Variants in RNF144B observed in about 807,000 individuals in gnomAD.
RNF144B encodes ring finger protein 144B.
A neutral mutation model predicts 40.2 loss-of-function variants in RNF144B; 25 were observed. The observed-to-expected ratio is 0.62, with a 90% CI of 0.45 to 0.87. RNF144B has a LOEUF of 0.87. Ranked by LOEUF, RNF144B falls within the 40% of genes least tolerant of loss-of-function variation. RNF144B has a pLI of 0.00. For missense variants in RNF144B, 365 were observed against 373.7 expected (o/e 0.98, Z 0.19); for synonymous variants, 145 against 136.3 (o/e 1.06, Z -0.44).
chr6:18,413,392 A>C (rs573345524), intron 2 of RNF144B, among the ~76,000 whole-genome samples: 289 of 152,374 alleles, frequency 1.9e-3, no homozygotes, highest in Non-Finnish European at 3.3e-3. Context: ...AAAAAATCCA[A>C]GGAGTTTTTC....
chr6:18,466,274 G>A lies in RNF144B; in HGVS notation c.*1207G>A, dbSNP rs1295588621. 1.3e-5 allele frequency: 2 copies of A among 151,800 alleles called. No homozygotes were observed. The highest frequency in any genetic ancestry group is 4.9e-5 in the African/African-American group (2 of 41,132). 9.4% of individuals were successfully genotyped at this position (151,800 alleles called of 1,614,324 possible). On this transcript the variant is annotated 3_prime_UTR_variant, in exon 8 of 8. Coordinates refer to ENST00000259939, the MANE Select transcript of RNF144B (RefSeq NM_182757.4). ...AATATCCTGCCATCTCTGTAAAAAC[G>A]CTAATTGATAACCGAGTCATTTACA...
At chr6:18,440,237 T>C (rs1450348962) in intron 4 of RNF144B, among the ~76,000 whole-genome samples, 1 of 152,024 alleles carries the variant, frequency 6.6e-6, no homozygotes, top group Non-Finnish European at 1.5e-5. Context: ...TGTATTGGAC[T>C]GATTTTCTTT....
In RNF144B at chr6:18,406,226, GA is replaced by G. The variant is rs201217353; in HGVS notation, c.165+6528del. 7.0e-3 allele frequency: 3,556 copies of G among 509,178 alleles called. 26 individuals are homozygous for G. The highest frequency in any genetic ancestry group is 0.02 in the Middle Eastern group (48 of 2,342). The allele number at this position is 509,178 out of a possible 1,614,324, so 31.5% of individuals were successfully genotyped here. A position where few individuals can be genotyped will look rare whatever the true frequency, so the allele number is the denominator to read the frequency against. ...GGTTTGTGCTATGGAAAAATAGGGT[GA>G]GGGGGGTCAGGAGTGCTGTGGGGAA... On this transcript the variant is annotated intron_variant, in intron 2 of 7. Coordinates refer to ENST00000259939, the MANE Select transcript of RNF144B (RefSeq NM_182757.4). The surrounding 1 kb of genome is among the most constrained non-coding windows in gnomAD (Gnocchi z 4.2).
intron 2 of RNF144B, among the ~76,000 whole-genome samples, chr6:18,402,487 C>G (rs887917462): frequency 2.3e-5 from 2 of 88,292 alleles, no homozygotes; most frequent in African/African-American, 6.7e-5. Context: ...ATGAAATGTT[C>G]CATGGTCAAA....
intron 2 of RNF144B, among the ~76,000 whole-genome samples, chr6:18,401,414 G>A (rs1794799412): frequency 6.6e-6 from 1 of 152,336 alleles, no homozygotes; most frequent in Middle Eastern, 3.4e-3. Context: ...CTCAAAAGCA[G>A]AGAGTCAAAT....
chr6:18,400,067 C>T lies in RNF144B; in HGVS notation c.165+368C>T, dbSNP rs944734127. Reference sequence around the variant, plus strand: ...CGGGCGGATCACAAGGTCAGAAGATCGAGACCATCCTAGCTAACATGGTAA... The same window carrying T: ...CGGGCGGATCACAAGGTCAGAAGATTGAGACCATCCTAGCTAACATGGTAA... On this transcript the variant is annotated intron_variant, in intron 2 of 7. Transcript: ENST00000259939. This position sits in a 1 kb window ranked among gnomAD's most constrained non-coding sequence, Gnocchi z 5.6. 1.3e-4 allele frequency among the ~76,000 whole-genome samples: 20 copies of T among 151,992 alleles called. No individual in the cohort carries two copies. Among genetic ancestry groups the T allele is most frequent in the Non-Finnish European group, 2.2e-4 (15 of 68,000 alleles).
intron 2 of RNF144B, among the ~76,000 whole-genome samples, chr6:18,401,198 A>G (rs1000867937): frequency 6.6e-6 from 1 of 152,226 alleles, no homozygotes. Flanking sequence ...GTGTGCGTCA[A>G]CATTGGGGAA....
chr6:18,430,608 CA>C (rs568122993), intron 3 of RNF144B, among the ~76,000 whole-genome samples: 124 of 152,106 alleles, frequency 8.2e-4, no homozygotes, highest in African/African-American at 2.9e-3. Flanking sequence ...CTCAGCCTCC[CA>C]AGTAGCTGGG....
rs1041273065 is a variant in RNF144B at position 18,442,564 on chromosome 6, T to C, written c.331+2820T>C. Among the ~76,000 whole-genome samples, 1 of 152,212 alleles carries C rather than the reference T, an allele frequency of 6.6e-6. No homozygotes were observed. The highest frequency in any genetic ancestry group is 2.4e-5 in the African/African-American group (1 of 41,456). On this transcript the variant is annotated intron_variant, in intron 4 of 7. Transcript: ENST00000259939. The surrounding 1 kb of genome is among the most constrained non-coding windows in gnomAD (Gnocchi z 4.3). ...TTTGTTATTAAACATATACCTAACA[T>C]AAAAGTTGCCATTTAAACCATTTTT...
At chr6:18,426,268 G>A (rs748485038) in intron 2 of RNF144B, among the ~76,000 whole-genome samples, 11 of 152,130 alleles carry the variant, frequency 7.2e-5, no homozygotes, top group Non-Finnish European at 1.2e-4. Context: ...TGTAAGAGTC[G>A]TTGCTTCAGT....
At chr6:18,391,253 C>T (rs1219625315) in intron 1 of RNF144B, among the ~76,000 whole-genome samples, 4 of 152,092 alleles carry the variant, frequency 2.6e-5, no homozygotes, top group Non-Finnish European at 2.9e-5. Flanking sequence ...AAGTGGCGTT[C>T]CTTCCTGCTT....
intron 3 of RNF144B, among the ~76,000 whole-genome samples, chr6:18,433,047 G>A (rs1411304511): frequency 6.6e-6 from 1 of 152,182 alleles, no homozygotes; most frequent in Non-Finnish European, 1.5e-5. Flanking sequence ...TACTCAGATT[G>A]CATATTTAGT....
At chr6:18,454,126 A>G (rs959903099) in intron 4 of RNF144B, among the ~76,000 whole-genome samples, 1 of 152,224 alleles carries the variant, frequency 6.6e-6, no homozygotes, top group Non-Finnish European at 1.5e-5. Flanking sequence ...TGATCCAAGC[A>G]TCATAACCTC....
chr6:18,444,703 CT>C lies in RNF144B; in HGVS notation c.331+4963del, dbSNP rs11337846. ...AAAAGTGAAATAGGAAGTTGTCTTT[CT>C]TTTGCTGTCTGTTAATATTACTGAC... On this transcript the variant is annotated intron_variant, in intron 4 of 7. Transcript: ENST00000259939. This position sits in a 1 kb window ranked among gnomAD's most constrained non-coding sequence, Gnocchi z 4.3. Among the ~76,000 whole-genome samples the C allele has an allele frequency of 0.12, 19,004 of 152,098 alleles. 1,368 individuals are homozygous for C. The highest frequency in any genetic ancestry group is 0.19 in the Admixed American group (2,952 of 15,274).
At chr6:18,399,823 C>T in intron 2 of RNF144B, 124 bp downstream of exon 2, 1 of 741,178 alleles carries the variant, frequency 1.3e-6, no homozygotes, top group Admixed American at 2.9e-5. Flanking sequence ...CTTTGGAAAG[C>T]ATTTCATATT....
chr6:18,409,165 G>A (rs1331626379), intron 2 of RNF144B, among the ~76,000 whole-genome samples: 1 of 151,756 alleles, frequency 6.6e-6, no homozygotes, highest in Non-Finnish European at 1.5e-5. Context: ...ATCACTTGGG[G>A]CCAGGAATTT....
At chr6:18,451,544 A>G (rs1759210542) in intron 4 of RNF144B, among the ~76,000 whole-genome samples, 1 of 152,248 alleles carries the variant, frequency 6.6e-6, no homozygotes, top group South Asian at 2.1e-4. Flanking sequence ...AAGAGAGGGC[A>G]GGGCCTGACA....
chr6:18,403,936 T>C (rs909957024), intron 2 of RNF144B, among the ~76,000 whole-genome samples: 16 of 152,190 alleles, frequency 1.1e-4, no homozygotes, highest in African/African-American at 3.4e-4. Context: ...TATTAAGAAT[T>C]CATTCCCGCA....
intron 6 of RNF144B, among the ~76,000 whole-genome samples, chr6:18,461,093 A>G (rs1759443371): frequency 6.6e-6 from 1 of 152,190 alleles, no homozygotes; most frequent in Non-Finnish European, 1.5e-5. Flanking sequence ...CAAGCAGGCC[A>G]CCACCTGCTT....
Sources: gnomAD v4.1 joint callset for allele counts (sites outside exome capture counted in the v4.1 genomes callset) on GRCh38, gnomAD v4.1.1 for gene constraint, Gnocchi (gnomAD v3.1) non-coding constraint, MANE v1.5 for transcripts, NCBI Gene and HGNC (gene_info 2026-07-23, HGNC 2026-07-21) for gene names.